KCND2: variants seen among roughly 807,000 people sequenced by gnomAD.
KCND2 encodes the protein A-type voltage-gated potassium channel KCND2.
KCND2 carries 16 observed loss-of-function variants against 54.4 expected under a neutral mutation model. The observed-to-expected ratio is 0.29, with a 90% CI of 0.20 to 0.45. The LOEUF (loss-of-function observed/expected upper bound fraction) is 0.45, where lower values mean the gene tolerates loss of function less well. Ranked by LOEUF, KCND2 falls within the 20% of genes least tolerant of loss-of-function variation. The pLI, the probability that KCND2 is intolerant of heterozygous loss-of-function variation, is 1.00. For synonymous variants in KCND2, 317 were observed against 310.7 expected (o/e 1.02, Z -0.21); for missense variants, 486 against 824.2 (o/e 0.59, Z 5.02).
At chr7:120,559,498 C>A (rs1792208266) in intron 1 of KCND2, among the ~76,000 whole-genome samples, 1 of 152,116 alleles carries the variant, frequency 6.6e-6, no homozygotes. Flanking sequence ...AGACTCAGGG[C>A]TGAATATTAG....
chr7:120,290,885 A>T (rs1396782355), intron 1 of KCND2, among the ~76,000 whole-genome samples: 7 of 152,026 alleles, frequency 4.6e-5, no homozygotes, highest in African/African-American at 1.4e-4. Flanking sequence ...GGTTGGGGAT[A>T]GAAGAAAATT....
intron 1 of KCND2, among the ~76,000 whole-genome samples, chr7:120,442,584 T>C (rs1584780724): frequency 6.6e-6 from 1 of 152,158 alleles, no homozygotes; most frequent in East Asian, 1.9e-4. Flanking sequence ...AATAAAGTAT[T>C]GAACATCATG....
chr7:120,315,958 G>A (rs575173717), intron 1 of KCND2, among the ~76,000 whole-genome samples: 1 of 152,142 alleles, frequency 6.6e-6, no homozygotes, highest in Admixed American at 6.6e-5. Context: ...GATTTCTGGA[G>A]GGAGGAGGCA....
chr7:120,453,804 A>C (rs1802154368), intron 1 of KCND2, among the ~76,000 whole-genome samples: 1 of 152,232 alleles, frequency 6.6e-6, no homozygotes. Context: ...AGTTAAAAAG[A>C]GTCCAGGCAC....
At chr7:120,373,681 G>C (rs938184664) in intron 1 of KCND2, among the ~76,000 whole-genome samples, 1 of 151,630 alleles carries the variant, frequency 6.6e-6, no homozygotes, top group African/African-American at 2.4e-5. Context: ...TAGACCCATG[G>C]ATAGACCTGC....
At chr7:120,522,459 C>CTGT (rs1791711023) in intron 1 of KCND2, among the ~76,000 whole-genome samples, 1 of 152,116 alleles carries the variant, frequency 6.6e-6, no homozygotes, top group Admixed American at 6.6e-5. Context: ...ATTTAAAGAT[C>CTGT]AATGGGATAT....
chr7:120,679,842 G>GA (rs1447772204), intron 1 of KCND2, among the ~76,000 whole-genome samples: 4 of 152,006 alleles, frequency 2.6e-5, no homozygotes, highest in African/African-American at 9.7e-5. Context: ...CCAAAAAGGG[G>GA]TTCTTTAATT....
intron 1 of KCND2, among the ~76,000 whole-genome samples, chr7:120,640,917 G>A (rs1438297658): frequency 6.6e-6 from 1 of 152,016 alleles, no homozygotes; most frequent in Non-Finnish European, 1.5e-5. Flanking sequence ...CTTTGGTGTA[G>A]GTTTTGGTGT....
At chr7:120,632,242 A>G (rs184774519) in intron 1 of KCND2, among the ~76,000 whole-genome samples, 2 of 152,354 alleles carry the variant, frequency 1.3e-5, no homozygotes, top group East Asian at 1.9e-4. Flanking sequence ...TGCTGTCATT[A>G]GTATGTAATT....
intron 1 of KCND2, among the ~76,000 whole-genome samples, chr7:120,671,210 G>A (rs1018830844): frequency 2.6e-5 from 4 of 151,974 alleles, no homozygotes; most frequent in Non-Finnish European, 4.4e-5. Flanking sequence ...ACCAGGGTCC[G>A]GTTTCGTGGA....
intron 1 of KCND2, among the ~76,000 whole-genome samples, chr7:120,673,229 C>T (rs867713329): frequency 1.2e-4 from 18 of 152,182 alleles, no homozygotes; most frequent in Middle Eastern, 3.4e-3. Context: ...CCATCCAGTC[C>T]GTGGTATTTT....
Position 120,482,636 on chromosome 7 carries a change from A to T in KCND2, c.1115+206889A>T, listed in dbSNP as rs115400167. 6.1e-3 allele frequency among the ~76,000 whole-genome samples: 931 copies of T among 152,212 alleles called. 7 individuals carry two copies. Among genetic ancestry groups the T allele is most frequent in the African/African-American group, 0.021 (856 of 41,540 alleles). ...GTTATCTTGGGAGTGGGCCCCTCAG[A>T]AAAAGAGAGCTCTCATGCGCTTGCT... On this transcript the variant is annotated intron_variant, in intron 1 of 5. Transcript: ENST00000331113.
At chr7:120,718,475 C>G (rs1792629747) in intron 1 of KCND2, among the ~76,000 whole-genome samples, 1 of 152,082 alleles carries the variant, frequency 6.6e-6, no homozygotes, top group Non-Finnish European at 1.5e-5. Flanking sequence ...TTCAGTGTCC[C>G]TCCATAAGGT....
intron 1 of KCND2, among the ~76,000 whole-genome samples, chr7:120,474,042 G>A (rs1333994388): frequency 6.6e-6 from 1 of 152,158 alleles, no homozygotes; most frequent in African/African-American, 2.4e-5. Flanking sequence ...CGTCTTGCAG[G>A]AGCTCTACTT....
chr7:120,473,379 C>T (rs535168523), intron 1 of KCND2, among the ~76,000 whole-genome samples: 3 of 152,246 alleles, frequency 2.0e-5, no homozygotes, highest in East Asian at 1.9e-4. Context: ...GAGAGGATTT[C>T]GGTCCGGTTT....
chr7:120,519,939 T>G (rs1410324026), intron 1 of KCND2, among the ~76,000 whole-genome samples: 6 of 152,126 alleles, frequency 3.9e-5, no homozygotes, highest in African/African-American at 1.4e-4. Flanking sequence ...ATAATGATTT[T>G]GTCAGGTAAG....
chr7:120,471,888 A>G (rs1802459271), intron 1 of KCND2, among the ~76,000 whole-genome samples: 1 of 152,012 alleles, frequency 6.6e-6, no homozygotes, highest in Non-Finnish European at 1.5e-5. Context: ...AGCAATGACA[A>G]ATTTTTAGAG....
chr7:120,332,361 C>A (rs1258291253), intron 1 of KCND2, among the ~76,000 whole-genome samples: 1 of 152,044 alleles, frequency 6.6e-6, no homozygotes, highest in Admixed American at 6.6e-5. Flanking sequence ...AGGCAATATG[C>A]CATGTATATT....
chr7:120,322,556 A>G (rs1003377559), intron 1 of KCND2, among the ~76,000 whole-genome samples: 1 of 152,206 alleles, frequency 6.6e-6, no homozygotes, highest in Non-Finnish European at 1.5e-5. Context: ...TATGGTTGTG[A>G]TTCTACAATT....
Sources: allele counts gnomAD v4.1 joint callset (sites outside exome capture counted in the v4.1 genomes callset), GRCh38; gene constraint gnomAD v4.1.1; transcripts MANE v1.5; gene names NCBI Gene and HGNC (gene_info 2026-07-23, HGNC 2026-07-21).